The following FAT1 variants were observed in gnomAD, a reference collection of about 807,000 sequenced individuals.
The protein encoded by FAT1 is protocadherin Fat 1.
Under a neutral mutation model 329.8 loss-of-function variants are expected in FAT1, and 171 were observed. The ratio of observed to expected loss-of-function variants is 0.52; its 90% CI spans 0.46 to 0.59. The LOEUF (loss-of-function observed/expected upper bound fraction) is 0.59. Ranked by LOEUF, FAT1 falls within the 20% of genes least tolerant of loss-of-function variation. FAT1 has a pLI of 0.00. For synonymous variants in FAT1, 2,233 were observed against 2,228.6 expected (o/e 1.00, Z -0.06); for missense variants, 5,672 against 5,774.4 (o/e 0.98, Z 0.57).
At chr4:186,683,957 T>C (rs543570140) in intron 2 of FAT1, among the ~76,000 whole-genome samples, 14 of 152,158 alleles carry the variant, frequency 9.2e-5, no homozygotes, top group African/African-American at 3.4e-4. Flanking sequence ...TTCAGCTGTT[T>C]TTCAATAGCT....
chr4:186,609,892 G>T lies in FAT1; in HGVS notation c.9977C>A (p.Thr3326Lys). The change falls in exon 15 of 27, where the codon ACA becomes AAA. Residue 3326 changes from threonine (T) to lysine (K), a missense_variant. Thr to Lys is a moderately conservative substitution (Grantham distance 78). Transcript: ENST00000441802. ...SDVATVNVNV[T>K]DINDNTPVFS... Reference sequence around the variant, plus strand: ...CACAGGGGTATTATCGTTGATATCTGTTACATTAACGTTCACAGTGGCAAC... The same window carrying T: ...CACAGGGGTATTATCGTTGATATCTTTTACATTAACGTTCACAGTGGCAAC... The T allele has an allele frequency of 6.2e-7, 1 of 1,612,764 alleles. No homozygotes were observed. Among genetic ancestry groups the T allele is most frequent in the Non-Finnish European group, 8.5e-7 (1 of 1,178,888 alleles).
intron 2 of FAT1, among the ~76,000 whole-genome samples, chr4:186,676,054 T>C (rs904258246): frequency 2.6e-5 from 4 of 152,056 alleles, no homozygotes; most frequent in African/African-American, 7.2e-5. Context: ...GAGTAACTTA[T>C]TCCTTGGACC....
In FAT1 at chr4:186,618,492, C is replaced by T. The variant is rs751621377; in HGVS notation, c.8094G>A (p.Met2698Ile). 3 of 1,614,058 alleles carry T rather than the reference C, an allele frequency of 1.9e-6. No homozygotes were observed. The highest frequency in any genetic ancestry group is 2.2e-5 in the East Asian group (1 of 44,890). Residue 2698 changes from methionine to isoleucine, a missense_variant, in exon 10 of 27, where the codon ATG becomes ATA. Met to Ile is a conservative substitution (Grantham distance 10). Transcript: ENST00000441802. ...LVYVKILPPE[M>I]QLPKFSEPFY... is the part of the protein sequence containing the mutation. ...AAGGTTCTGAAAATTTTGGAAGCTGCATTTCCGGTGGAAGGATTTTAACAT... is the reference window on the plus strand; with the variant it reads ...AAGGTTCTGAAAATTTTGGAAGCTGTATTTCCGGTGGAAGGATTTTAACAT...
chr4:186,657,150 A>G, intron 3 of FAT1, among the ~76,000 whole-genome samples: 1 of 152,186 alleles, frequency 6.6e-6, no homozygotes, highest in Non-Finnish European at 1.5e-5. Context: ...TCCAAGAGAA[A>G]TGGAAGTATG....
chr4:186,653,382 T>C (rs927280823), intron 3 of FAT1, among the ~76,000 whole-genome samples: 1 of 152,210 alleles, frequency 6.6e-6, no homozygotes, highest in East Asian at 1.9e-4. Context: ...ATTGCTCTAT[T>C]TAAAGAATAA....
intron 3 of FAT1, among the ~76,000 whole-genome samples, chr4:186,644,858 A>C (rs2126582289): frequency 6.6e-6 from 1 of 152,348 alleles, no homozygotes; most frequent in South Asian, 2.1e-4. Flanking sequence ...GGAGCGATGA[A>C]TGCATTCAGT....
intron 17 of FAT1, 129 bp downstream of exon 17, chr4:186,605,941 C>T (rs1258534948): frequency 8.5e-6 from 7 of 819,684 alleles, no homozygotes; most frequent in Non-Finnish European, 1.4e-5. Context: ...ATACTGATAG[C>T]GACTTCTTGA....
At chr4:186,606,277 G>A (rs1385199037) in intron 16 of FAT1, 64 bp from the exon 17 acceptor site, 2 of 1,579,200 alleles carry the variant, frequency 1.3e-6, no homozygotes, top group Non-Finnish European at 1.7e-6. Flanking sequence ...CCAATGAGGA[G>A]TGTCCTCCTG....
intron 2 of FAT1, among the ~76,000 whole-genome samples, chr4:186,678,131 T>C (rs1162791354): frequency 2.0e-5 from 3 of 152,116 alleles, no homozygotes; most frequent in Non-Finnish European, 4.4e-5. Flanking sequence ...ACAGAAGATG[T>C]AGAATATGAA....
In FAT1 at chr4:186,611,382, T is replaced by C. The variant is rs2126466155; in HGVS notation, c.9853+4A>G. 1.2e-6 allele frequency: 2 copies of C among 1,600,624 alleles called. No homozygotes were observed. The highest frequency in any genetic ancestry group is 1.7e-6 in the Non-Finnish European group (2 of 1,172,712). On this transcript the variant is annotated splice_donor_region_variant and intron_variant, in intron 14 of 26. Transcript: ENST00000441802. ...GGTTTCCTCTCAGATACATGGTAGG[T>C]TACCTGTTTTAGAATCTATGCTGAA... is the stretch of plus-strand genomic sequence containing the variant.
At chr4:186,607,620 T>C (rs750169586) in intron 16 of FAT1, among the ~76,000 whole-genome samples, 2 of 150,854 alleles carry the variant, frequency 1.3e-5, no homozygotes, top group Non-Finnish European at 3.0e-5. Flanking sequence ...GATGGATGGG[T>C]AAGTGAATAG....
intron 3 of FAT1, among the ~76,000 whole-genome samples, chr4:186,654,888 G>C (rs889402025): frequency 1.3e-5 from 2 of 149,606 alleles, no homozygotes; most frequent in Non-Finnish European, 3.0e-5. Flanking sequence ...CAGCCTGGAC[G>C]ACAGAGTGAT....
rs1038943197 is a variant in FAT1 at position 186,693,615 on chromosome 4, C to T, written c.3265+12948G>A. Among the ~76,000 whole-genome samples the T allele has an allele frequency of 3.8e-5, 4 of 105,632 alleles. 1 individual carries two copies. The highest frequency in any genetic ancestry group is 1.7e-4 in the African/African-American group (4 of 23,622). 69.3% of individuals were successfully genotyped at this position (105,632 alleles called of 152,430 possible). A position where few individuals can be genotyped will look rare whatever the true frequency, so the allele number is the denominator to read the frequency against. ...AGCAACTGATCAAACATGAGTCAGCCCGTGGAAAACAGCCAAGGAAACACC... is the reference window on the plus strand; with the variant it reads ...AGCAACTGATCAAACATGAGTCAGCTCGTGGAAAACAGCCAAGGAAACACC... On this transcript the variant is annotated intron_variant, in intron 2 of 26. Coordinates refer to ENST00000441802, the MANE Select transcript of FAT1 (RefSeq NM_005245.4).
Position 186,609,422 on chromosome 4 carries a change from T to C in FAT1, c.10069-102A>G, listed in dbSNP as rs1338999960. 2.9e-6 allele frequency: 4 copies of C among 1,383,994 alleles called. No homozygotes were observed. In the Admixed American group the frequency reaches 8.2e-5, roughly 28 times the overall value. 85.7% of individuals were successfully genotyped at this position (1,383,994 alleles called of 1,614,324 possible). On this transcript the variant is annotated intron_variant, in intron 15 of 26. Transcript: ENST00000441802. ...ATAGCTTAGCTGTTTCTTTTTGTTG[T>C]TGTTTTTTTTTTGAGATGGAGCCTT...
At chr4:186,631,115 T>G (rs1190983493) in intron 7 of FAT1, among the ~76,000 whole-genome samples, 1 of 152,116 alleles carries the variant, frequency 6.6e-6, no homozygotes, top group Non-Finnish European at 1.5e-5. Flanking sequence ...CCTTCTCAAA[T>G]CGGCATCTGC....
chr4:186,611,938 C>T (rs550794582), intron 13 of FAT1, among the ~76,000 whole-genome samples, 163 bp from the exon 14 acceptor site: 4 of 151,826 alleles, frequency 2.6e-5, no homozygotes, highest in African/African-American at 9.7e-5. Flanking sequence ...ATTCTCCTGC[C>T]TCAGCCTCCC....
Position 186,628,160 on chromosome 4 carries a change from C to A in FAT1, c.4804G>T (p.Glu1602Ter). 6.2e-7 allele frequency: 1 copy of A among 1,613,528 alleles called. No homozygotes were observed. Among genetic ancestry groups the A allele is most frequent in the South Asian group, 1.1e-5 (1 of 90,886 alleles). Reference protein sequence around the residue: ...GKNAEVLYSIESGNIGNSFMI... With the variant: ...GKNAEVLYSI ...CTGAAGGCTCCAAAAGTACCTGACT[C>A]GATCGAGTACAGCACTTCAGCATTT... Residue 1602 changes from glutamate (E) to a stop codon, truncating the protein, a stop_gained, in exon 9 of 27, where the codon GAG (glutamate) becomes TAG (stop). Transcript: ENST00000441802. LOFTEE classifies it high-confidence loss of function.
intron 12 of FAT1, 53 bp downstream of exon 12, chr4:186,614,136 CAT>C (rs1739592167): frequency 6.9e-7 from 1 of 1,445,558 alleles, no homozygotes; most frequent in Non-Finnish European, 9.3e-7. Context: ...AAATCACCCA[CAT>C]ATATGATACT....
intron 1 of FAT1, among the ~76,000 whole-genome samples, chr4:186,711,877 G>T (rs536133371): frequency 1.3e-5 from 2 of 152,130 alleles, no homozygotes; most frequent in Non-Finnish European, 2.9e-5. Flanking sequence ...CCGAGATCGC[G>T]CCACTGCACT....
Sources: allele counts gnomAD v4.1 joint callset (sites outside exome capture counted in the v4.1 genomes callset), GRCh38; gene constraint gnomAD v4.1.1; transcripts MANE v1.5; gene names NCBI Gene and HGNC (gene_info 2026-07-23, HGNC 2026-07-21).